Variants in MARCHF8 observed in about 807,000 individuals in gnomAD.
The protein encoded by MARCHF8 is membrane associated ring-CH-type finger 8, also known as E3 ubiquitin-protein ligase MARCHF8.
In MARCHF8, 40 loss-of-function variants were observed where a neutral mutation model predicts 51.6. The ratio of observed to expected loss-of-function variants is 0.77; its 90% CI spans 0.60 to 1.01. The LOEUF is 1.01. MARCHF8 is among the 50% of genes least tolerant of loss of function. MARCHF8 has a pLI of 0.00. For synonymous variants in MARCHF8, 263 were observed against 280.3 expected (o/e 0.94, Z 0.62); for missense variants, 685 against 708.6 (o/e 0.97, Z 0.38).
intron 3 of MARCHF8, among the ~76,000 whole-genome samples, chr10:45,465,609 G>C (rs898314818): frequency 6.6e-6 from 1 of 152,184 alleles, no homozygotes; most frequent in African/African-American, 2.4e-5. Context: ...CCTGGAGAGA[G>C]CCAGGATGGC....
chr10:45,507,367 G>A (rs2043405356), intron 2 of MARCHF8, among the ~76,000 whole-genome samples: 1 of 152,192 alleles, frequency 6.6e-6, no homozygotes, highest in Admixed American at 6.5e-5. Context: ...AAAGAAAAGA[G>A]GATTATTTGG....
At chr10:45,543,465 G>A (rs1372415371) in intron 1 of MARCHF8, among the ~76,000 whole-genome samples, 2 of 152,082 alleles carry the variant, frequency 1.3e-5, no homozygotes, top group Non-Finnish European at 2.9e-5. Flanking sequence ...ATAAGCCACC[G>A]ACTGGGGGAA....
In MARCHF8 at chr10:45,464,479, C is replaced by A. The variant is rs547788217; in HGVS notation, c.154-152G>T. 3 of 636,904 alleles carry A rather than the reference C, an allele frequency of 4.7e-6. No homozygotes were observed. In the African/African-American group the frequency reaches 5.5e-5, roughly 12 times the overall value. 39.5% of individuals were successfully genotyped at this position (636,904 alleles called of 1,614,324 possible). On this transcript the variant is annotated intron_variant, in intron 3 of 7. Transcript: ENST00000453424. ...CATATTAGATCCTTCTAAGCCTTGG[C>A]AAAACAAATCAAATATCACTATTTT...
chr10:45,571,578 C>T (rs2044429850), intron 1 of MARCHF8, among the ~76,000 whole-genome samples: 1 of 152,154 alleles, frequency 6.6e-6, no homozygotes, highest in South Asian at 2.1e-4. Context: ...AAATTTGGTG[C>T]CGTGACTCGG....
intron 2 of MARCHF8, among the ~76,000 whole-genome samples, chr10:45,491,850 A>T (rs576168210): frequency 1.1e-4 from 16 of 152,272 alleles, no homozygotes; most frequent in African/African-American, 3.4e-4. Flanking sequence ...TTACTACCTC[A>T]CAAGGAATGG....
At chr10:45,485,725 G>T (rs1327876226) in intron 3 of MARCHF8, among the ~76,000 whole-genome samples, 1 of 152,172 alleles carries the variant, frequency 6.6e-6, no homozygotes, top group East Asian at 1.9e-4. Flanking sequence ...ATTTACGCCA[G>T]CAAGAGGTGA....
chr10:45,492,577 G>C (rs201961955), intron 2 of MARCHF8, among the ~76,000 whole-genome samples: 1 of 152,178 alleles, frequency 6.6e-6, no homozygotes, highest in Non-Finnish European at 1.5e-5. Context: ...GATTACAGGC[G>C]TGAGCCACTG....
At chr10:45,564,252 C>T (rs1260799939) in intron 1 of MARCHF8, among the ~76,000 whole-genome samples, 1 of 152,116 alleles carries the variant, frequency 6.6e-6, no homozygotes, top group East Asian at 1.9e-4. Flanking sequence ...CCAGCCTGGG[C>T]AACAGAGTGA....
intron 2 of MARCHF8, among the ~76,000 whole-genome samples, chr10:45,509,662 A>G (rs1221487935): frequency 6.6e-6 from 1 of 152,216 alleles, no homozygotes; most frequent in Non-Finnish European, 1.5e-5. Flanking sequence ...TTACAGAGTC[A>G]TCCTTACAAA....
At chr10:45,480,836 T>G (rs2042872882) in intron 3 of MARCHF8, among the ~76,000 whole-genome samples, 1 of 151,966 alleles carries the variant, frequency 6.6e-6, no homozygotes, top group African/African-American at 2.4e-5. Flanking sequence ...CCACACAGAG[T>G]CCCCACTGGG....
At position 45,511,858 on chromosome 10, in the gene MARCHF8, C is replaced by T. The variant is rs2043515775; in HGVS notation, c.102+21252G>A. On this transcript the variant is annotated intron_variant, in intron 2 of 7. Transcript: ENST00000453424. ...GTCTGGGAAGTGAGGAGCGTCTCTG[C>T]CTGGCCGCCCATCGTCTGGGACGTG... Among the ~76,000 whole-genome samples, 3 of 152,074 alleles carry T rather than the reference C, an allele frequency of 2.0e-5. No homozygotes were observed. The South Asian group carries it at 6.2e-4, about 32-fold the overall frequency.
chr10:45,464,435 C>G, intron 3 of MARCHF8, 108 bp from the exon 4 acceptor site: 1 of 848,732 alleles, frequency 1.2e-6, no homozygotes, highest in Non-Finnish European at 2.0e-6. Flanking sequence ...TGCTGCTTCC[C>G]GCTGCTCAAC....
intron 1 of MARCHF8, among the ~76,000 whole-genome samples, chr10:45,559,076 A>G (rs2044282607): frequency 6.6e-6 from 1 of 152,234 alleles, no homozygotes; most frequent in African/African-American, 2.4e-5. Flanking sequence ...CAGGAGGAAT[A>G]TGTATTTTAG....
chr10:45,488,437 A>G (rs2043023255), intron 3 of MARCHF8, among the ~76,000 whole-genome samples: 1 of 152,142 alleles, frequency 6.6e-6, no homozygotes, highest in Admixed American at 6.6e-5. Context: ...GAGATAGCAC[A>G]GAGAGGAAAG....
intron 1 of MARCHF8, among the ~76,000 whole-genome samples, chr10:45,583,145 T>C (rs1222540897): frequency 6.6e-6 from 1 of 152,244 alleles, no homozygotes; most frequent in Non-Finnish European, 1.5e-5. Flanking sequence ...ATGCTCGCTA[T>C]TTTTAAACAA....
At chr10:45,473,755 T>G (rs1020137198) in intron 3 of MARCHF8, among the ~76,000 whole-genome samples, 26 of 152,164 alleles carry the variant, frequency 1.7e-4, no homozygotes, top group African/African-American at 5.8e-4. Context: ...AGTACTCACA[T>G]GAACAGCCAC....
intron 2 of MARCHF8, among the ~76,000 whole-genome samples, chr10:45,511,889 C>A (rs572908155): frequency 1.3e-5 from 2 of 150,840 alleles, no homozygotes; most frequent in Non-Finnish European, 3.0e-5. Context: ...ACGTGAGGAG[C>A]CCCTCTGCCT....
In MARCHF8 at chr10:45,551,868, C is replaced by T. The variant is rs143516070; in HGVS notation, c.-78-18579G>A. ...ACACACACACACACACACACACAGACACACACACCCTATTGGTTTTGTTTC... is the reference window on the plus strand; with the variant it reads ...ACACACACACACACACACACACAGATACACACACCCTATTGGTTTTGTTTC... On this transcript the variant is annotated intron_variant, in intron 1 of 6. Transcript: ENST00000319836. Among the ~76,000 whole-genome samples the T allele has an allele frequency of 6.7e-3, 1,024 of 152,000 alleles. 9 individuals are homozygous for T. Among genetic ancestry groups the T allele is most frequent in the African/African-American group, 0.023 (974 of 41,466 alleles).
chr10:45,529,198 T>C (rs1589153319), intron 2 of MARCHF8, among the ~76,000 whole-genome samples: 1 of 152,162 alleles, frequency 6.6e-6, no homozygotes, highest in South Asian at 2.1e-4. Flanking sequence ...AACAAAAACA[T>C]ACACTAGTGG....
Sources: gnomAD v4.1 joint callset for allele counts (sites outside exome capture counted in the v4.1 genomes callset) on GRCh38, gnomAD v4.1.1 for gene constraint, MANE v1.5 for transcripts, NCBI Gene and HGNC (gene_info 2026-07-23, HGNC 2026-07-21) for gene names.